DHPS: variants seen among roughly 807,000 people sequenced by gnomAD.
DHPS encodes deoxyhypusine synthase, also known as migration-inducing gene 13.
DHPS carries 24 observed loss-of-function variants against 38.7 expected under a neutral mutation model. That is an observed-to-expected ratio of 0.62 (90% confidence interval 0.45 to 0.87). The LOEUF (loss-of-function observed/expected upper bound fraction) is 0.87. DHPS is among the 40% of genes least tolerant of loss of function. DHPS has a pLI of 0.00. For missense variants in DHPS, 510 were observed against 497.6 expected (o/e 1.02, Z -0.24); for synonymous variants, 250 against 204.4 (o/e 1.22, Z -1.90).
At chr19:12,681,359 C>T (rs565544470) in intron 1 of DHPS, 8 of 975,796 alleles carry the variant, frequency 8.2e-6, no homozygotes, top group Non-Finnish European at 1.0e-5. Context: ...GTTACCGTAC[C>T]AGCATGTAAC....
intron 5 of DHPS, among the ~76,000 whole-genome samples, chr19:12,678,272 G>A (rs1460726758): frequency 2.0e-5 from 3 of 150,316 alleles, no homozygotes; most frequent in East Asian, 3.9e-4. Flanking sequence ...AAAAAAAAAA[G>A]AGCCAGCTTG....
In DHPS at chr19:12,680,189, G is replaced by A. The variant is rs374386379; in HGVS notation, c.344C>T (p.Thr115Ile). Residue 115 changes from threonine (T) to isoleucine (I), a missense_variant, in exon 2 of 9, where the codon ACC becomes ATC. Physicochemically the swap from Thr to Ile is moderately conservative, Grantham distance 89. Transcript: ENST00000210060. The part of the protein sequence containing the change: ...SNLISSGIRE[T>I]IRYLVQHNMV... The stretch of plus-strand genomic sequence containing the variant: ...GTTGTGCTGCACAAGGTAGCGAATG[G>A]TCTCACGGATGCCTGAACTGATGAG... 3 of 1,614,052 alleles carry A rather than the reference G, an allele frequency of 1.9e-6. No individual in the cohort carries two copies. Among genetic ancestry groups the A allele is most frequent in the Non-Finnish European group, 2.5e-6 (3 of 1,180,034 alleles).
chr19:12,675,915 G>A lies in DHPS; in HGVS notation c.1033C>T (p.Leu345=). Residue 345 remains leucine, a synonymous_variant, in exon 9 of 9, where the codon CTG becomes TTG. Transcript: ENST00000210060. ...TCAGCCACAAGCAGGGGGAAGACCA[G>A]GGAGGCGTCAGCATAGACCTGGGTA... ...QPVKVYADAS[L]VFPLLVAETF... The A allele has an allele frequency of 6.2e-7, 1 of 1,608,844 alleles. No individual in the cohort carries two copies. Among genetic ancestry groups the A allele is most frequent in the Non-Finnish European group, 8.5e-7 (1 of 1,177,324 alleles).
chr19:12,681,723 GC>G lies in DHPS; in HGVS notation c.43del (p.Ala15ProfsTer4), dbSNP rs1389107766. 6.2e-7 allele frequency: 1 copy of G among 1,613,088 alleles called. No individual in the cohort carries two copies. The highest frequency in any genetic ancestry group is 8.5e-7 in the Non-Finnish European group (1 of 1,179,986). On this transcript the variant is annotated frameshift_variant, in exon 1 of 9. Transcript: ENST00000210060. LOFTEE classifies it high-confidence loss of function. ...CGTCGAGCTGTGCTTTAGCACGGCG[GC>G]CAGCGCCCCCGCTGGCGCCTCCCGT... The part of the protein sequence containing the change: ...LEREAPAGAL[A>X]AVLKHSSTLP...
At chr19:12,680,520 G>A (rs2024770569) in intron 1 of DHPS, among the ~76,000 whole-genome samples, 195 bp from the exon 2 acceptor site, 1 of 151,316 alleles carries the variant, frequency 6.6e-6, no homozygotes, top group Non-Finnish European at 1.5e-5. Flanking sequence ...CACACGTTCA[G>A]GATTTGCCCC....
chr19:12,675,689 AAC>A, downstream of DHPS: 1 of 1,599,258 alleles, frequency 6.3e-7, no homozygotes, highest in Non-Finnish European at 8.5e-7. Flanking sequence ...GGGACCCACC[AAC>A]AGGACCAAGG....
downstream of DHPS, chr19:12,672,673 T>G: frequency 1.6e-6 from 1 of 643,894 alleles, no homozygotes; most frequent in Non-Finnish European, 2.8e-6. Flanking sequence ...GTGTGGGTCT[T>G]GGAAATGATG....
In DHPS at chr19:12,681,681, G is replaced by C. The variant is rs1302489584; in HGVS notation, c.86C>G (p.Thr29Ser). Reference sequence around the variant, plus strand: ...GTTGAAGTCGTAGCCCCGGACCTGGGTGCTTTCGGGCGGCAACGTCGAGCT... The same window carrying C: ...GTTGAAGTCGTAGCCCCGGACCTGGCTGCTTTCGGGCGGCAACGTCGAGCT... Reference protein sequence around the residue: ...KHSSTLPPESTQVRGYDFNRG... With the variant: ...KHSSTLPPESSQVRGYDFNRG... The change falls in exon 1 of 9, where the codon ACC (threonine) becomes AGC (serine). Residue 29 changes from threonine to serine, a missense_variant. By Grantham distance (58) the Thr-to-Ser change is moderately conservative. Coordinates refer to ENST00000210060, the MANE Select transcript of DHPS (RefSeq NM_001930.4). 2.8e-5 allele frequency: 45 copies of C among 1,614,058 alleles called. No homozygotes were observed. The highest frequency in any genetic ancestry group is 3.5e-5 in the Non-Finnish European group (41 of 1,180,058).
chr19:12,675,722 G>A lies in DHPS; in HGVS notation c.*116C>T, dbSNP rs369752930. 12 of 1,590,822 alleles carry A rather than the reference G, an allele frequency of 7.5e-6. No individual in the cohort carries two copies. Among genetic ancestry groups the A allele is most frequent in the African/African-American group, 1.3e-5 (1 of 74,526 alleles). On this transcript the variant is annotated 3_prime_UTR_variant, in exon 9 of 9. Coordinates refer to ENST00000210060, the MANE Select transcript of DHPS (RefSeq NM_001930.4). ...CAAGGACCGAGACACAGACATGGAAGGACTTCAGATACCATCTTATTCTAG... is the reference window on the plus strand; with the variant it reads ...CAAGGACCGAGACACAGACATGGAAAGACTTCAGATACCATCTTATTCTAG...
downstream of DHPS, chr19:12,673,258 A>T: frequency 6.2e-7 from 1 of 1,614,026 alleles, no homozygotes; most frequent in Non-Finnish European, 8.5e-7. Flanking sequence ...AGCGAGCGTG[A>T]CACACATGTG....
In DHPS at chr19:12,675,829, C is replaced by A; in HGVS notation, c.*9G>T. ...AGAGGGGGTAAGACCTTCCTGGGAC[C>A]GCAGCCGCTCAGTCCTCGTTCTTCT... On this transcript the variant is annotated 3_prime_UTR_variant, in exon 9 of 9. Transcript: ENST00000210060. 6.3e-7 allele frequency: 1 copy of A among 1,580,510 alleles called. No individual in the cohort carries two copies. Among genetic ancestry groups the A allele is most frequent in the Middle Eastern group, 1.7e-4 (1 of 5,884 alleles).
At chr19:12,680,122 GA>G in intron 2 of DHPS, 38 bp downstream of exon 2, 1 of 1,609,572 alleles carries the variant, frequency 6.2e-7, no homozygotes, top group South Asian at 1.1e-5. Context: ...ATTGCCCATT[GA>G]CCCAGAGGCC....
downstream of DHPS, chr19:12,672,578 A>C (rs1160981405): frequency 6.2e-6 from 3 of 485,782 alleles, no homozygotes; most frequent in African/African-American, 1.9e-5. Context: ...ATTGCACTCC[A>C]GCCTGAGCAA....
In DHPS at chr19:12,679,323, A is replaced by G. The variant is rs1351208280; in HGVS notation, c.678+134T>C. 6 of 867,776 alleles carry G rather than the reference A, an allele frequency of 6.9e-6. No individual in the cohort carries two copies. The East Asian group carries it at 1.5e-4, about 21-fold the overall frequency. 53.8% of individuals were successfully genotyped at this position (867,776 alleles called of 1,614,324 possible). On this transcript the variant is annotated intron_variant, in intron 5 of 8. Coordinates refer to ENST00000210060, the MANE Select transcript of DHPS (RefSeq NM_001930.4). ...AAAAAAAAAAAAAATTACCACGCCT[A>G]TCTGTGTTTGAGTCTCCTCATCTAA...
downstream of DHPS, chr19:12,675,685 CACCAACAGG>C: frequency 6.3e-7 from 1 of 1,599,462 alleles, no homozygotes; most frequent in Non-Finnish European, 8.5e-7. Context: ...CCAGGGGACC[CACCAACAGG>C]ACCAAGGACC....
intron 5 of DHPS, among the ~76,000 whole-genome samples, chr19:12,678,860 A>G (rs1009349025): frequency 2.8e-5 from 2 of 72,110 alleles, no homozygotes; most frequent in Admixed American, 1.8e-4. Flanking sequence ...GGTAGCTCTT[A>G]TTTTATAGCA....
In DHPS at chr19:12,679,467, C is replaced by G; in HGVS notation, c.668G>C (p.Trp223Ser). 6.2e-7 allele frequency: 1 copy of G among 1,614,166 alleles called. No individual in the cohort carries two copies. The highest frequency in any genetic ancestry group is 1.3e-5 in the African/African-American group (1 of 75,030). Residue 223 changes from tryptophan (W) to serine (S), a missense_variant, in exon 5 of 9, where the codon TGG becomes TCG. Coordinates refer to ENST00000210060, the MANE Select transcript of DHPS (RefSeq NM_001930.4). ...EINNPESVYY[W>S]AQKNHIPVFS... ...CGCTTAGGTCCTCACCTTCTGGGCC[C>G]AGTAATACACGGACTCTGGGTTGTT...
At chr19:12,675,399 G>A (rs1168675862), downstream of DHPS, 4 of 1,370,180 alleles carry the variant, frequency 2.9e-6, no homozygotes, top group Non-Finnish European at 3.9e-6. Context: ...GAGGCAGGTG[G>A]CTGAAGGTCG....
rs560216433 is a variant in DHPS, at chr19:12,676,113, G to A, written c.918C>T (p.Ile306=). The change falls in exon 8 of 9, where the codon ATC becomes ATT. Residue 306 remains isoleucine (I), a synonymous_variant. Coordinates refer to ENST00000210060, the MANE Select transcript of DHPS (RefSeq NM_001930.4). ...AGCCATCAAACTCCTGGGCTGTGTT[G>A]ATGTAAACAGCGTAGTCGGCCCCGT... ...MRNGADYAVY[I]NTAQEFDGSD... 1.2e-6 allele frequency: 2 copies of A among 1,613,538 alleles called. No homozygotes were observed. Among genetic ancestry groups the A allele is most frequent in the Non-Finnish European group, 1.7e-6 (2 of 1,179,888 alleles).
Sources: gnomAD v4.1 joint callset for allele counts (sites outside exome capture counted in the v4.1 genomes callset) on GRCh38, gnomAD v4.1.1 for gene constraint, MANE v1.5 for transcripts, NCBI Gene and HGNC (gene_info 2026-07-23, HGNC 2026-07-21) for gene names.